The following ADRA1A variants were observed in gnomAD, a reference collection of about 807,000 sequenced individuals.
ADRA1A encodes adrenoceptor alpha 1A.
A neutral mutation model predicts 29.6 loss-of-function variants in ADRA1A; 31 were observed. That is an observed-to-expected ratio of 1.05 (90% CI 0.79 to 1.41). ADRA1A has a LOEUF of 1.41. ADRA1A is among the 40% of genes most tolerant of loss of function. The pLI, the probability that ADRA1A is intolerant of heterozygous loss-of-function variation, is 0.00. For missense variants in ADRA1A, 619 were observed against 601.1 expected (o/e 1.03, Z -0.31); for synonymous variants, 311 against 254.3 (o/e 1.22, Z -2.12).
At chr8:26,807,003 A>T (rs1056121019) in intron 2 of ADRA1A, among the ~76,000 whole-genome samples, 1 of 152,252 alleles carries the variant, frequency 6.6e-6, no homozygotes, top group African/African-American at 2.4e-5. Flanking sequence ...TGCTATAAAA[A>T]TAAACATGTT....
chr8:26,763,739 G>T (rs1805633751), downstream of ADRA1A, among the ~76,000 whole-genome samples: 1 of 152,166 alleles, frequency 6.6e-6, no homozygotes, highest in South Asian at 2.1e-4. This position sits in a 1 kb window ranked among gnomAD's most constrained non-coding sequence, Gnocchi z 4.5. Flanking sequence ...CGGCCCATGA[G>T]CTCACTCCGG....
In ADRA1A at chr8:26,865,235, G is replaced by T; in HGVS notation, c.-266C>A. 2.3e-6 allele frequency: 3 copies of T among 1,319,084 alleles called. No individual in the cohort carries two copies. Among genetic ancestry groups the T allele is most frequent in the Non-Finnish European group, 2.9e-6 (3 of 1,035,062 alleles). The allele number at this position is 1,319,084 out of a possible 1,614,324, so 81.7% of individuals were successfully genotyped here. ...CTGCCGGGGACCCTCTCCACCTGCC[G>T]GGCTGGCCTAGCCCGGGACCCGGAC... On this transcript the variant is annotated 5_prime_UTR_variant, in exon 2 of 3. Transcript: ENST00000380573. This position sits in a 1 kb window ranked among gnomAD's most constrained non-coding sequence, Gnocchi z 7.6.
downstream of ADRA1A, among the ~76,000 whole-genome samples, chr8:26,754,328 C>T (rs1444749380): frequency 6.6e-6 from 1 of 151,992 alleles, no homozygotes; most frequent in Non-Finnish European, 1.5e-5. Flanking sequence ...AATAGTATAG[C>T]GTGCATACCA....
Position 26,867,149 on chromosome 8 carries a change from A to G in ADRA1A, c.-900T>C, listed in dbSNP as rs936470651. The G allele has an allele frequency of 1.3e-4, 125 of 985,286 alleles. No homozygotes were observed. Among genetic ancestry groups the G allele is most frequent in the Non-Finnish European group, 1.4e-4 (120 of 829,938 alleles). 61.0% of individuals were successfully genotyped at this position (985,286 alleles called of 1,614,324 possible). A position where few individuals can be genotyped will look rare whatever the true frequency, so the allele number is the denominator to read the frequency against. On this transcript the variant is annotated 5_prime_UTR_variant, in exon 1 of 3. Coordinates refer to ENST00000380573, the MANE Select transcript of ADRA1A (RefSeq NM_000680.4). ...CTGTCACTTTACCTGCATTTTTTAA[A>G]AAGAGTCAAAATAAGAAAAGAAAAA...
chr8:26,813,683 C>A (rs932378353), intron 2 of ADRA1A, among the ~76,000 whole-genome samples: 3 of 152,100 alleles, frequency 2.0e-5, no homozygotes. Flanking sequence ...GACAAGGTAA[C>A]AAAGTTGCCT....
At chr8:26,770,763 A>G (rs2130278224) in intron 2 of ADRA1A, 97 bp from the exon 3 acceptor site, 1 of 1,460,746 alleles carries the variant, frequency 6.8e-7, no homozygotes. Context: ...GTATTTTTAA[A>G]CGGTTAAAAT....
At chr8:26,816,294 T>G (rs1809749539) in intron 2 of ADRA1A, among the ~76,000 whole-genome samples, 1 of 152,126 alleles carries the variant, frequency 6.6e-6, no homozygotes, top group African/African-American at 2.4e-5. Flanking sequence ...CCGTATTCCA[T>G]GAAGGTGGGA....
intron 2 of ADRA1A, among the ~76,000 whole-genome samples, chr8:26,773,884 C>G (rs1373320476): frequency 6.6e-6 from 1 of 152,192 alleles, no homozygotes; most frequent in African/African-American, 2.4e-5. Flanking sequence ...CCAGTCTTCA[C>G]AGGTGAATCC....
chr8:26,816,604 G>C (rs377528861), intron 2 of ADRA1A, among the ~76,000 whole-genome samples: 2 of 151,234 alleles, frequency 1.3e-5, no homozygotes, highest in East Asian at 3.9e-4. Flanking sequence ...ATGTGCACAC[G>C]CCTAACACAC....
At position 26,770,785 on chromosome 8, in the gene ADRA1A, C is replaced by G. The variant is rs1460374412; in HGVS notation, c.884-119G>C. 2.2e-6 allele frequency: 3 copies of G among 1,381,016 alleles called. No individual in the cohort carries two copies. In the Admixed American group the frequency reaches 8.4e-5, roughly 39 times the overall value. 85.5% of individuals were successfully genotyped at this position (1,381,016 alleles called of 1,614,324 possible). A position where few individuals can be genotyped will look rare whatever the true frequency, so the allele number is the denominator to read the frequency against. On this transcript the variant is annotated intron_variant, in intron 2 of 2. Transcript: ENST00000380573. Reference sequence around the variant, plus strand: ...TAAACGGTTAAAATGATCCCAAACACATATGAGTTTCTCACATTTGACTGA... The same window carrying G: ...TAAACGGTTAAAATGATCCCAAACAGATATGAGTTTCTCACATTTGACTGA...
intron 2 of ADRA1A, among the ~76,000 whole-genome samples, chr8:26,843,189 T>G (rs1811956104): frequency 6.6e-6 from 1 of 152,206 alleles, no homozygotes; most frequent in East Asian, 1.9e-4. Flanking sequence ...AAAGTGGCTC[T>G]TCTTCTTCCT....
At chr8:26,799,114 T>C (rs1375518261) in intron 2 of ADRA1A, among the ~76,000 whole-genome samples, 1 of 152,182 alleles carries the variant, frequency 6.6e-6, no homozygotes, top group Admixed American at 6.5e-5. Context: ...CAAAAGTTCA[T>C]TAATGGGGTC....
At chr8:26,773,555 C>T (rs1338991948) in intron 2 of ADRA1A, among the ~76,000 whole-genome samples, 2 of 152,044 alleles carry the variant, frequency 1.3e-5, no homozygotes, top group African/African-American at 4.8e-5. Context: ...CTGGGAATGT[C>T]ACTACTCTGT....
At chr8:26,749,914 A>G (rs1158666025) in intron 2 of ADRA1A, among the ~76,000 whole-genome samples, 1 of 152,076 alleles carries the variant, frequency 6.6e-6, no homozygotes, top group Non-Finnish European at 1.5e-5. Context: ...TCTACTCTCA[A>G]TTTCAGCTTT....
chr8:26,772,956 C>T (rs968785843), intron 2 of ADRA1A, among the ~76,000 whole-genome samples: 1 of 152,058 alleles, frequency 6.6e-6, no homozygotes, highest in Admixed American at 6.5e-5. Context: ...TCATGTTGTC[C>T]TATAATTATA....
At chr8:26,803,957 T>C (rs1342080768) in intron 2 of ADRA1A, among the ~76,000 whole-genome samples, 2 of 143,896 alleles carry the variant, frequency 1.4e-5, no homozygotes, top group African/African-American at 5.2e-5. Flanking sequence ...GATTTCACTC[T>C]GTTGCTTAGG....
chr8:26,771,502 G>A (rs1226087767), intron 2 of ADRA1A, among the ~76,000 whole-genome samples: 2 of 152,132 alleles, frequency 1.3e-5, no homozygotes, highest in Admixed American at 1.3e-4. Flanking sequence ...ACCCGTTGAT[G>A]TGCACGGCAG....
At chr8:26,771,622 C>G (rs1319091015) in intron 2 of ADRA1A, among the ~76,000 whole-genome samples, 1 of 152,244 alleles carries the variant, frequency 6.6e-6, no homozygotes, top group Non-Finnish European at 1.5e-5. Flanking sequence ...TAAGGATTAT[C>G]TCCTCCAATT....
At chr8:26,750,999 G>A (rs1428024200) in intron 2 of ADRA1A, among the ~76,000 whole-genome samples, 1 of 152,012 alleles carries the variant, frequency 6.6e-6, no homozygotes, top group African/African-American at 2.4e-5. Flanking sequence ...AACCCAGGAG[G>A]CGGAGGTTGT....
Sources: gnomAD v4.1 joint callset for allele counts (sites outside exome capture counted in the v4.1 genomes callset) on GRCh38, gnomAD v4.1.1 for gene constraint, Gnocchi (gnomAD v3.1) non-coding constraint, MANE v1.5 for transcripts, NCBI Gene and HGNC (gene_info 2026-07-23, HGNC 2026-07-21) for gene names.